COL6A6: variants seen among roughly 807,000 people sequenced by gnomAD.
The protein encoded by COL6A6 is collagen alpha-6(VI) chain.
COL6A6 carries 183 observed loss-of-function variants against 208.6 expected under a neutral mutation model. The observed-to-expected ratio is 0.88, with a 90% CI of 0.78 to 0.99. The LOEUF (loss-of-function observed/expected upper bound fraction) is 0.99, where lower values mean the gene tolerates loss of function less well. Among genes scored for constraint, COL6A6 ranks in the 50% least tolerant of loss-of-function variants. The pLI, the probability that COL6A6 is intolerant of heterozygous loss-of-function variation, is 0.00. For missense variants in COL6A6, 2,816 were observed against 2,815.2 expected (o/e 1.00, Z -0.01); for synonymous variants, 973 against 1,011.8 (o/e 0.96, Z 0.73).
At chr3:130,525,942 TGTA>T (rs1253543141) in intron 1 of COL6A6, among the ~76,000 whole-genome samples, 1 of 152,208 alleles carries the variant, frequency 6.6e-6, no homozygotes, top group Non-Finnish European at 1.5e-5. Context: ...CTCCTCATTA[TGTA>T]GTGATATATG....
At chr3:130,538,812 A>G (rs2062285922) in intron 1 of COL6A6, among the ~76,000 whole-genome samples, 1 of 152,104 alleles carries the variant, frequency 6.6e-6, no homozygotes, top group Admixed American at 6.6e-5. Context: ...AATTTGTCCC[A>G]CACCTCCTAT....
At chr3:130,575,727 G>A (rs2063279154) in intron 8 of COL6A6, among the ~76,000 whole-genome samples, 2 of 152,104 alleles carry the variant, frequency 1.3e-5, no homozygotes. Flanking sequence ...AACTAAAAGG[G>A]TACAGGAAAG....
chr3:130,587,222 T>C (rs962308338), intron 11 of COL6A6, among the ~76,000 whole-genome samples: 55 of 152,174 alleles, frequency 3.6e-4, no homozygotes, highest in African/African-American at 1.3e-3. Context: ...TATGAGCAAT[T>C]GAAAGATTAG....
chr3:130,588,890 T>C (rs1392627259), intron 11 of COL6A6, among the ~76,000 whole-genome samples, 200 bp from the exon 12 acceptor site: 1 of 127,372 alleles, frequency 7.9e-6, no homozygotes, highest in Non-Finnish European at 1.6e-5. Context: ...TGGTGGAGAG[T>C]GCAGATGATA....
chr3:130,541,568 A>T (rs2062364218), intron 1 of COL6A6, among the ~76,000 whole-genome samples: 1 of 152,168 alleles, frequency 6.6e-6, no homozygotes, highest in Non-Finnish European at 1.5e-5. Flanking sequence ...CATTCCCATG[A>T]GCAATGAATC....
rs551630841 is a variant in COL6A6, at chr3:130,560,925, C to T, written c.64+497C>T. Among the ~76,000 whole-genome samples the T allele has an allele frequency of 6.2e-4, 56 of 90,660 alleles. No homozygotes were observed. In the South Asian group the frequency reaches 8.0e-3, roughly 13 times the overall value. The allele number at this position is 90,660 out of a possible 152,430, so 59.5% of individuals were successfully genotyped here. A position where few individuals can be genotyped will look rare whatever the true frequency, so the allele number is the denominator to read the frequency against. ...CTGTGGACTTAAGACACTAGCACAC[C>T]CTTAACCACCTCACCATCTCCTAAA... On this transcript the variant is annotated intron_variant, in intron 2 of 36. Coordinates refer to ENST00000358511, the MANE Select transcript of COL6A6 (RefSeq NM_001102608.3).
intron 28 of COL6A6, among the ~76,000 whole-genome samples, chr3:130,639,307 T>C (rs920387152): frequency 1.3e-5 from 2 of 152,220 alleles, no homozygotes; most frequent in Non-Finnish European, 2.9e-5. Context: ...ATAGTCTGTT[T>C]CCTGCATTTT....
intron 29 of COL6A6, 48 bp from the exon 30 acceptor site, chr3:130,642,784 A>C: frequency 6.4e-7 from 1 of 1,556,394 alleles, no homozygotes; most frequent in African/African-American, 1.4e-5. Flanking sequence ...CTGGCTACTG[A>C]TGTGTATGTC....
intron 1 of COL6A6, among the ~76,000 whole-genome samples, chr3:130,521,670 G>C (rs182163178): frequency 8.4e-4 from 128 of 152,282 alleles, no homozygotes; most frequent in African/African-American, 2.8e-3. Context: ...TTCAAGCACT[G>C]TGACTCTGTC....
chr3:130,643,108 A>C (rs1455220040), intron 31 of COL6A6, 85 bp downstream of exon 31: 93 of 1,419,786 alleles, frequency 6.6e-5, no homozygotes, highest in East Asian at 3.1e-4. Context: ...AATTGAATTC[A>C]CCAGCCAATT....
In COL6A6 at chr3:130,649,153, G is replaced by T; in HGVS notation, c.5324G>T (p.Arg1775Leu). The change falls in exon 33 of 37, where the codon CGG becomes CTG. Residue 1775 changes from arginine to leucine, a missense_variant. Arg to Leu is a moderately radical substitution (Grantham distance 102). Transcript: ENST00000358511. ...GATGTCACTGAGCAGGAATTTGAGC[G>T]GATGAAGGAGATGATGGCTTTCCTG... Reference protein sequence around the residue: ...SRDVTEQEFERMKEMMAFLVR... With the variant: ...SRDVTEQEFELMKEMMAFLVR... 1 of 1,592,450 alleles carries T rather than the reference G, an allele frequency of 6.3e-7. No homozygotes were observed.
intron 1 of COL6A6, among the ~76,000 whole-genome samples, chr3:130,558,675 A>G (rs1479865018): frequency 6.6e-6 from 1 of 152,136 alleles, no homozygotes; most frequent in East Asian, 1.9e-4. Flanking sequence ...ATTCTTCCCA[A>G]AGCATTTTCT....
At chr3:130,651,833 C>T (rs951453786) in intron 33 of COL6A6, among the ~76,000 whole-genome samples, 1 of 152,224 alleles carries the variant, frequency 6.6e-6, no homozygotes, top group Non-Finnish European at 1.5e-5. Flanking sequence ...ATTCCACTCA[C>T]CCACTCAAAG....
chr3:130,574,869 G>C (rs1441810097), intron 8 of COL6A6, among the ~76,000 whole-genome samples: 1 of 152,174 alleles, frequency 6.6e-6, no homozygotes, highest in Non-Finnish European at 1.5e-5. Context: ...ATATTTGACT[G>C]ATTTTTGGTT....
Position 130,529,545 on chromosome 3 carries a change from C to G in COL6A6, c.-32+12148C>G, listed in dbSNP as rs2062035798. Among the ~76,000 whole-genome samples, 3 of 152,202 alleles carry G rather than the reference C, an allele frequency of 2.0e-5. No homozygotes were observed. In the South Asian group the frequency reaches 6.2e-4, roughly 32 times the overall value. On this transcript the variant is annotated intron_variant, in intron 1 of 36. Transcript: ENST00000358511. ...AACTGCTTAAGCTCTTCTGTCCCCT[C>G]TGGGCCTTTCCAGATACATGCTGAT... is the stretch of plus-strand genomic sequence containing the variant.
At chr3:130,527,376 A>G (rs147702642) in intron 1 of COL6A6, among the ~76,000 whole-genome samples, 305 of 152,338 alleles carry the variant, frequency 2.0e-3, no homozygotes, top group Non-Finnish European at 3.8e-3. Context: ...TCCTGTTTTG[A>G]AAGACACTAT....
intron 23 of COL6A6, among the ~76,000 whole-genome samples, chr3:130,614,289 C>A (rs961907393): frequency 3.9e-5 from 6 of 152,060 alleles, no homozygotes; most frequent in Admixed American, 3.9e-4. Context: ...GTTTTTAGTT[C>A]TATTTACATG....
chr3:130,602,374 A>G (rs764738780), intron 20 of COL6A6, among the ~76,000 whole-genome samples: 4 of 152,262 alleles, frequency 2.6e-5, no homozygotes, highest in Non-Finnish European at 4.4e-5. Context: ...GTGAATGGTC[A>G]GGAACATTAA....
At chr3:130,535,009 T>C (rs564440612) in intron 1 of COL6A6, among the ~76,000 whole-genome samples, 1 of 152,290 alleles carries the variant, frequency 6.6e-6, no homozygotes, top group South Asian at 2.1e-4. Context: ...TTGATTTATT[T>C]TACCTCCTCA....
Sources: gnomAD v4.1 joint callset for allele counts (sites outside exome capture counted in the v4.1 genomes callset) on GRCh38, gnomAD v4.1.1 for gene constraint, MANE v1.5 for transcripts, NCBI Gene and HGNC (gene_info 2026-07-23, HGNC 2026-07-21) for gene names.